Variants in SNX13 observed in about 807,000 individuals in gnomAD.
The protein encoded by SNX13 is sorting nexin-13.
SNX13 carries 45 observed loss-of-function variants against 133.6 expected under a neutral mutation model. The ratio of observed to expected loss-of-function variants is 0.34; its 90% CI spans 0.27 to 0.43. SNX13 has a LOEUF of 0.43. Ranked by LOEUF, SNX13 falls within the 20% of genes least tolerant of loss-of-function variation. The pLI is 1.00. For missense variants in SNX13, 1,032 were observed against 1,145.1 expected, an observed-to-expected ratio of 0.90 and a Z score of 1.43; for synonymous variants, 414 against 373.9, an observed-to-expected ratio of 1.11 and a Z score of -1.24.
chr7:17,801,117 T>A (rs549821337), intron 22 of SNX13, among the ~76,000 whole-genome samples: 1 of 115,236 alleles, frequency 8.7e-6, no homozygotes, highest in African/African-American at 3.2e-5. Flanking sequence ...TGTACAGACA[T>A]GTACGAATGT....
chr7:17,800,420 A>C (rs1784490802), intron 22 of SNX13, among the ~76,000 whole-genome samples: 1 of 151,826 alleles, frequency 6.6e-6, no homozygotes, highest in Non-Finnish European at 1.5e-5. Context: ...GAAACAGTAC[A>C]GTGGGGAAAA....
chr7:17,917,353 AAAG>A (rs768774426), intron 1 of SNX13, among the ~76,000 whole-genome samples: 6 of 152,176 alleles, frequency 3.9e-5, no homozygotes, highest in Admixed American at 1.3e-4. Context: ...CCAAATAGAA[AAAG>A]AAGAAGTCAA....
chr7:17,821,479 A>G (rs1471204470), intron 18 of SNX13, 30 bp downstream of exon 18: 8 of 1,562,894 alleles, frequency 5.1e-6, no homozygotes, highest in Admixed American at 1.8e-5. Flanking sequence ...GAAACAACAT[A>G]AAGTACACAA....
intron 21 of SNX13, among the ~76,000 whole-genome samples, chr7:17,802,354 T>A (rs1237721021): frequency 6.6e-6 from 1 of 152,110 alleles, no homozygotes; most frequent in Non-Finnish European, 1.5e-5. Flanking sequence ...TTCTTTCTTT[T>A]TACCATAAAG....
intron 1 of SNX13, among the ~76,000 whole-genome samples, chr7:17,912,181 G>A (rs1209181455): frequency 6.6e-6 from 1 of 152,146 alleles, no homozygotes; most frequent in African/African-American, 2.4e-5. Flanking sequence ...GCAGCCCCAG[G>A]GACAGCATTT....
intron 1 of SNX13, among the ~76,000 whole-genome samples, chr7:17,926,334 A>T (rs1319720710): frequency 6.6e-6 from 1 of 152,214 alleles, no homozygotes; most frequent in Non-Finnish European, 1.5e-5. Context: ...ATATACTAAC[A>T]ATATGTAGAA....
At chr7:17,917,643 AGAG>A (rs762018402) in intron 1 of SNX13, among the ~76,000 whole-genome samples, 1 of 152,144 alleles carries the variant, frequency 6.6e-6, no homozygotes, top group Non-Finnish European at 1.5e-5. Context: ...GAAATATGTC[AGAG>A]AAGACACAAA....
At chr7:17,906,932 T>C (rs566887414) in intron 1 of SNX13, among the ~76,000 whole-genome samples, 1 of 152,278 alleles carries the variant, frequency 6.6e-6, no homozygotes, top group African/African-American at 2.4e-5. Flanking sequence ...TAACAAATCA[T>C]CCTGTGAGTT....
At chr7:17,932,449 T>G (rs1801487286) in intron 1 of SNX13, among the ~76,000 whole-genome samples, 1 of 152,240 alleles carries the variant, frequency 6.6e-6, no homozygotes, top group Admixed American at 6.5e-5. Flanking sequence ...AATATGATGG[T>G]TTAAATTTAT....
intron 1 of SNX13, among the ~76,000 whole-genome samples, chr7:17,906,718 G>A (rs919984168): frequency 6.6e-6 from 1 of 152,086 alleles, no homozygotes; most frequent in Admixed American, 6.5e-5. Context: ...TTTACTTCCA[G>A]AGAAATCTGT....
chr7:17,856,231 T>C (rs2128332375), intron 9 of SNX13, among the ~76,000 whole-genome samples: 1 of 152,376 alleles, frequency 6.6e-6, no homozygotes, highest in Admixed American at 6.5e-5. Flanking sequence ...GCAATCAAAG[T>C]TAATTTGTCA....
chr7:17,810,723 C>T (rs573816708), intron 20 of SNX13, among the ~76,000 whole-genome samples: 9 of 152,054 alleles, frequency 5.9e-5, no homozygotes, highest in East Asian at 1.9e-4. Flanking sequence ...CAGGCCAATA[C>T]GCCTGATGAA....
At chr7:17,830,499 T>G (rs1788368179) in intron 15 of SNX13, 1 of 983,990 alleles carries the variant, frequency 1.0e-6, no homozygotes, top group African/African-American at 1.7e-5. Flanking sequence ...CAGACTTATT[T>G]TTAATAGGTC....
At chr7:17,926,227 C>G (rs1490187383) in intron 1 of SNX13, among the ~76,000 whole-genome samples, 3 of 151,988 alleles carry the variant, frequency 2.0e-5, no homozygotes, top group Non-Finnish European at 4.4e-5. Flanking sequence ...GTGCTAGTGA[C>G]AGTATTTTTT....
intron 9 of SNX13, among the ~76,000 whole-genome samples, chr7:17,856,698 G>T (rs1351409735): frequency 1.3e-5 from 2 of 150,616 alleles, no homozygotes; most frequent in East Asian, 3.9e-4. Context: ...AAACTGAGTT[G>T]GGAGGATCAC....
At chr7:17,831,732 A>C (rs1015575519) in intron 15 of SNX13, 5 of 983,918 alleles carry the variant, frequency 5.1e-6, no homozygotes, top group Non-Finnish European at 6.0e-6. Context: ...TATCTAAAAA[A>C]TGCATGTAGT....
intron 1 of SNX13, among the ~76,000 whole-genome samples, chr7:17,900,983 C>T (rs1253486889): frequency 6.6e-6 from 1 of 152,102 alleles, no homozygotes; most frequent in Non-Finnish European, 1.5e-5. Context: ...TGCCTGGGTA[C>T]CTACTGCTAC....
chr7:17,829,906 T>C, intron 16 of SNX13, 104 bp downstream of exon 16: 1 of 746,580 alleles, frequency 1.3e-6, no homozygotes, highest in Non-Finnish European at 2.0e-6. Context: ...TACTAAAGGA[T>C]GATTTGGGGC....
chr7:17,916,448 A>G (rs932963806), intron 1 of SNX13, among the ~76,000 whole-genome samples: 1 of 152,170 alleles, frequency 6.6e-6, no homozygotes, highest in Non-Finnish European at 1.5e-5. Flanking sequence ...TTCACAAATA[A>G]CCACAATCAG....
Sources: gnomAD v4.1 joint callset for allele counts (sites outside exome capture counted in the v4.1 genomes callset) on GRCh38, gnomAD v4.1.1 for gene constraint, MANE v1.5 for transcripts, NCBI Gene and HGNC (gene_info 2026-07-23, HGNC 2026-07-21) for gene names.